The following ZBTB44 variants were observed in gnomAD, a reference collection of about 807,000 sequenced individuals.
ZBTB44 encodes zinc finger and BTB domain-containing protein 44.
Under a neutral mutation model 54.0 loss-of-function variants are expected in ZBTB44, and 15 were observed. The observed-to-expected ratio is 0.28, with a 90% confidence interval of 0.19 to 0.43. The LOEUF (loss-of-function observed/expected upper bound fraction) is 0.43, where lower values mean the gene tolerates loss of function less well. ZBTB44 is among the 20% of genes least tolerant of loss of function. The probability of loss-of-function intolerance (pLI) is 1.00; values close to 1 mark genes in which losing one functional copy is unlikely to be tolerated. For synonymous variants in ZBTB44, 230 were observed against 250.1 expected (o/e 0.92, Z 0.76); for missense variants, 487 against 707.1 (o/e 0.69, Z 3.53).
intron 1 of ZBTB44, chr11:130,295,736 T>G: frequency 1.3e-6 from 2 of 1,531,638 alleles, no homozygotes; most frequent in Non-Finnish European, 1.8e-6. Flanking sequence ...CAGGCAGTGG[T>G]AAAACCCTGG....
chr11:130,290,593 A>C (rs1313072775), intron 1 of ZBTB44, among the ~76,000 whole-genome samples: 2 of 152,176 alleles, frequency 1.3e-5, no homozygotes, highest in East Asian at 3.9e-4. Context: ...GCCTTATATT[A>C]ATCTTTACTG....
At position 130,231,424 on chromosome 11, in the gene ZBTB44, G is replaced by T. The variant is rs146164975; in HGVS notation, c.*340C>A. On this transcript the variant is annotated 3_prime_UTR_variant, in exon 8 of 8. Transcript: ENST00000357899. ...GATATGCATTTTCACAGTATATTCA[G>T]ATTTCCCATAAAACTTGGCAATGTG... The T allele has an allele frequency of 2.6e-4, 39 of 152,254 alleles. No homozygotes were observed. The highest frequency in any genetic ancestry group is 7.7e-4 in the African/African-American group (32 of 41,558). 9.4% of individuals were successfully genotyped at this position (152,254 alleles called of 1,614,324 possible).
chr11:130,284,007 G>C, intron 1 of ZBTB44, among the ~76,000 whole-genome samples: 1 of 121,024 alleles, frequency 8.3e-6, no homozygotes, highest in African/African-American at 3.6e-5. Context: ...AAGGCAAGCA[G>C]CTGGGCACGG....
At chr11:130,269,690 T>TA (rs2134184808) in intron 1 of ZBTB44, among the ~76,000 whole-genome samples, 1 of 152,322 alleles carries the variant, frequency 6.6e-6, no homozygotes, top group African/African-American at 2.4e-5. Context: ...TAGATTGGTT[T>TA]AAGTTAGACA....
chr11:130,239,762 G>A (rs775399275), intron 3 of ZBTB44, 50 bp downstream of exon 3: 4 of 1,457,592 alleles, frequency 2.7e-6, no homozygotes, highest in Admixed American at 3.6e-5. Context: ...TGAATTTGGA[G>A]TTGTAAACAC....
chr11:130,277,297 C>T (rs1263486858), intron 1 of ZBTB44, among the ~76,000 whole-genome samples: 1 of 152,106 alleles, frequency 6.6e-6, no homozygotes, highest in African/African-American at 2.4e-5. Context: ...AGTAGTTGCT[C>T]AAGGTTTTAG....
chr11:130,266,087 C>T (rs35334299), intron 1 of ZBTB44, among the ~76,000 whole-genome samples: 18,623 of 152,176 alleles, frequency 0.12, 1,330 homozygotes, highest in African/African-American at 0.2. Context: ...CTTCAAAGGA[C>T]GGGATGCCTC....
chr11:130,300,075 A>C (rs890018051), intron 1 of ZBTB44, among the ~76,000 whole-genome samples: 2 of 152,246 alleles, frequency 1.3e-5, no homozygotes, highest in Non-Finnish European at 2.9e-5. Flanking sequence ...CAAATACCAT[A>C]TGATTCCGAT....
At chr11:130,295,065 T>C (rs1337299371) in intron 1 of ZBTB44, among the ~76,000 whole-genome samples, 2 of 151,958 alleles carry the variant, frequency 1.3e-5, no homozygotes, top group African/African-American at 4.8e-5. Context: ...TAGGCACTTC[T>C]TGGACAGCAA....
At chr11:130,313,719 C>CA (rs895687117) in intron 1 of ZBTB44, among the ~76,000 whole-genome samples, 11 of 151,574 alleles carry the variant, frequency 7.3e-5, no homozygotes, top group East Asian at 3.9e-4. Context: ...TTGTAAGTTC[C>CA]AAAAAAAAGC....
chr11:130,279,071 T>C (rs1474500104), intron 1 of ZBTB44, among the ~76,000 whole-genome samples: 1 of 152,198 alleles, frequency 6.6e-6, no homozygotes, highest in Admixed American at 6.5e-5. Flanking sequence ...TCCTTTCTTC[T>C]ACCTCCCTCT....
At chr11:130,300,392 CA>C (rs1450196273) in intron 1 of ZBTB44, among the ~76,000 whole-genome samples, 1 of 151,566 alleles carries the variant, frequency 6.6e-6, no homozygotes, top group African/African-American at 2.4e-5. Context: ...AGAAAAAGAG[CA>C]AAGAAAACCC....
intron 1 of ZBTB44, among the ~76,000 whole-genome samples, chr11:130,313,333 AAATG>A (rs1378365711): frequency 6.6e-6 from 1 of 152,250 alleles, no homozygotes; most frequent in Admixed American, 6.5e-5. Context: ...GTACTGCACA[AAATG>A]AATAATCTGG....
chr11:130,296,379 C>T, intron 1 of ZBTB44: 2 of 1,526,766 alleles, frequency 1.3e-6, no homozygotes, highest in South Asian at 2.6e-5. Context: ...CTATGAGTTG[C>T]TGAACTACAT....
At chr11:130,287,446 G>C (rs1565678237) in intron 1 of ZBTB44, among the ~76,000 whole-genome samples, 1 of 152,148 alleles carries the variant, frequency 6.6e-6, no homozygotes, top group Non-Finnish European at 1.5e-5. Context: ...TCTGTGCTTA[G>C]TTTTGAGGTA....
At chr11:130,250,636 T>C (rs755629192) in intron 2 of ZBTB44, among the ~76,000 whole-genome samples, 6 of 152,172 alleles carry the variant, frequency 3.9e-5, no homozygotes, top group Non-Finnish European at 7.3e-5. Context: ...CCCAGGCTAA[T>C]AGGGTCTGGA....
intron 1 of ZBTB44, among the ~76,000 whole-genome samples, chr11:130,286,934 A>G (rs1592037047): frequency 6.6e-6 from 1 of 152,232 alleles, no homozygotes; most frequent in African/African-American, 2.4e-5. Flanking sequence ...CAGATAAGCT[A>G]TCATTATTGA....
chr11:130,299,766 T>G (rs767114721), intron 1 of ZBTB44, among the ~76,000 whole-genome samples: 5 of 151,918 alleles, frequency 3.3e-5, no homozygotes, highest in Non-Finnish European at 7.4e-5. Flanking sequence ...CCTCAAAAAA[T>G]AAAAAATAGA....
chr11:130,299,573 AATG>A (rs1941878880), intron 1 of ZBTB44, among the ~76,000 whole-genome samples: 1 of 152,170 alleles, frequency 6.6e-6, no homozygotes, highest in South Asian at 2.1e-4. Context: ...AAAAAAAAAA[AATG>A]ATGGTCTCTA....
Sources: allele counts gnomAD v4.1 joint callset (sites outside exome capture counted in the v4.1 genomes callset), GRCh38; gene constraint gnomAD v4.1.1; transcripts MANE v1.5; gene names NCBI Gene and HGNC (gene_info 2026-07-23, HGNC 2026-07-21).